Variants in HDAC9 observed in about 807,000 individuals in gnomAD.
HDAC9 encodes the protein histone deacetylase 9.
Under a neutral mutation model 139.4 loss-of-function variants are expected in HDAC9, and 41 were observed. The observed-to-expected ratio is 0.29, with a 90% CI of 0.23 to 0.38. The LOEUF (loss-of-function observed/expected upper bound fraction) is 0.38, where lower values mean the gene tolerates loss of function less well. HDAC9 is among the 10% of genes least tolerant of loss of function. The pLI, the probability that HDAC9 is intolerant of heterozygous loss-of-function variation, is 1.00. For synonymous variants in HDAC9, 517 were observed against 476.2 expected, an observed-to-expected ratio of 1.09 and a Z score of -1.12; for missense variants, 1,147 against 1,297.0, an observed-to-expected ratio of 0.88 and a Z score of 1.78.
At position 18,647,828 on chromosome 7, in the gene HDAC9, C is replaced by T. The variant is rs370076387; in HGVS notation, c.1079C>T (p.Thr360Met). 54 of 1,612,030 alleles carry T rather than the reference C, an allele frequency of 3.3e-5. No individual in the cohort carries two copies. Among genetic ancestry groups the T allele is most frequent in the Admixed American group, 2.0e-4 (12 of 59,760 alleles). Residue 360 changes from threonine to methionine, a missense_variant, in exon 10 of 26, where the codon ACG (threonine) becomes ATG (methionine). By Grantham distance (81) the Thr-to-Met change is moderately conservative. This residue lies in a region of HDAC9 where 264 missense variants were observed against 273.8 expected (regional missense o/e 0.96). Transcript: ENST00000686413. ...GAAAAGCAGAAGTGTGAGACGCAGA[C>T]GCTTAGGCAAGGTGTTCCTCTGCCT... The part of the protein sequence containing the change: ...LKEKQKCETQ[T>M]LRQGVPLPGQ...
chr7:18,468,858 T>C (rs1384093371), intron 1 of HDAC9, among the ~76,000 whole-genome samples: 2 of 152,218 alleles, frequency 1.3e-5, no homozygotes, highest in Non-Finnish European at 2.9e-5. Context: ...TCTCTGAGCC[T>C]CCAGACTGTG....
chr7:18,753,236 T>C (rs553040029), intron 14 of HDAC9, among the ~76,000 whole-genome samples: 1 of 152,242 alleles, frequency 6.6e-6, no homozygotes, highest in Admixed American at 6.6e-5. Flanking sequence ...TCATTCATTT[T>C]ATATTGCTGT....
intron 1 of HDAC9, among the ~76,000 whole-genome samples, chr7:18,369,676 A>G (rs920476975): frequency 6.6e-6 from 1 of 152,218 alleles, no homozygotes; most frequent in South Asian, 2.1e-4. Flanking sequence ...GATTAGGTCA[A>G]GATATCTACT....
intron 12 of HDAC9, among the ~76,000 whole-genome samples, chr7:18,676,860 T>G (rs921535350): frequency 1.3e-5 from 2 of 151,844 alleles, no homozygotes; most frequent in African/African-American, 4.8e-5. Context: ...TCTTAGGGAT[T>G]AAAAAAATTC....
At position 18,903,401 on chromosome 7, in the gene HDAC9, C is replaced by T. The variant is rs530796215; in HGVS notation, c.2803+28805C>T. Reference sequence around the variant, plus strand: ...ATCAGGGAATCGGTAATAATCCTTTCAAGTTTTAATCCATTTTCATCTTTT... The same window carrying T: ...ATCAGGGAATCGGTAATAATCCTTTTAAGTTTTAATCCATTTTCATCTTTT... On this transcript the variant is annotated intron_variant, in intron 22 of 25. Transcript: ENST00000686413. 2.6e-5 allele frequency among the ~76,000 whole-genome samples: 4 copies of T among 152,340 alleles called. No homozygotes were observed. The Middle Eastern group carries it at 0.01, about 389-fold the overall frequency.
intron 21 of HDAC9, among the ~76,000 whole-genome samples, chr7:18,855,121 G>A (rs1303077071): frequency 5.9e-5 from 9 of 152,154 alleles, no homozygotes; most frequent in Non-Finnish European, 7.4e-5. Context: ...TCCAGAAGCC[G>A]TCTCTGAAAC....
At chr7:18,244,723 G>A (rs1443665528) in intron 2 of HDAC9, among the ~76,000 whole-genome samples, 1 of 152,042 alleles carries the variant, frequency 6.6e-6, no homozygotes, top group Non-Finnish European at 1.5e-5. Flanking sequence ...GCGTGAACCC[G>A]GGAGGCGGAG....
chr7:18,530,765 G>T (rs1031138269), intron 2 of HDAC9, among the ~76,000 whole-genome samples: 18 of 149,528 alleles, frequency 1.2e-4, no homozygotes, highest in African/African-American at 4.4e-4. Context: ...AGTTTTGAAT[G>T]CTTAATTATA....
intron 1 of HDAC9, among the ~76,000 whole-genome samples, chr7:18,114,418 T>C (rs1049272867): frequency 6.6e-6 from 1 of 152,208 alleles, no homozygotes; most frequent in Non-Finnish European, 1.5e-5. Flanking sequence ...CAATTAGTAG[T>C]GTTTGCCAAA....
At chr7:18,281,834 A>T (rs1282261870) in intron 2 of HDAC9, among the ~76,000 whole-genome samples, 2 of 152,190 alleles carry the variant, frequency 1.3e-5, no homozygotes, top group South Asian at 2.1e-4. Flanking sequence ...TTTTCTCCGT[A>T]TTGAATATAA....
chr7:18,145,922 G>T (rs1374737182), intron 1 of HDAC9, among the ~76,000 whole-genome samples: 1 of 152,060 alleles, frequency 6.6e-6, no homozygotes, highest in African/African-American at 2.4e-5. Flanking sequence ...ATTTAGGGCA[G>T]AACAGAAAGA....
At chr7:18,457,710 T>A (rs1784660498) in intron 1 of HDAC9, among the ~76,000 whole-genome samples, 1 of 152,212 alleles carries the variant, frequency 6.6e-6, no homozygotes, top group African/African-American at 2.4e-5. Flanking sequence ...CATTAGTGAG[T>A]TTTTTAAAAA....
At chr7:18,993,225 A>G (rs978990810) in intron 25 of HDAC9, among the ~76,000 whole-genome samples, 9 of 151,758 alleles carry the variant, frequency 5.9e-5, no homozygotes, top group African/African-American at 2.2e-4. Context: ...CCAATGGCAG[A>G]TATAAATAAT....
chr7:18,491,322 C>G (rs1236507124), upstream of HDAC9, among the ~76,000 whole-genome samples: 2 of 151,740 alleles, frequency 1.3e-5, no homozygotes, highest in Non-Finnish European at 2.9e-5. Context: ...TTTTTACAAG[C>G]AAAAACACTC....
intron 1 of HDAC9, among the ~76,000 whole-genome samples, chr7:18,406,643 C>A (rs1020271996): frequency 1.8e-4 from 27 of 152,172 alleles, no homozygotes; most frequent in African/African-American, 6.3e-4. Context: ...CCCGCCTTGG[C>A]CTTCCAAAGT....
chr7:18,825,556 G>C, intron 17 of HDAC9, among the ~76,000 whole-genome samples: 1 of 151,938 alleles, frequency 6.6e-6, no homozygotes, highest in Non-Finnish European at 1.5e-5. Context: ...GGTTGGAGGA[G>C]AAATTAGAGG....
intron 2 of HDAC9, among the ~76,000 whole-genome samples, chr7:18,270,795 C>T (rs753836014): frequency 5.3e-5 from 8 of 151,848 alleles, no homozygotes; most frequent in Non-Finnish European, 1.2e-4. Flanking sequence ...TTCTGACAAG[C>T]TAAATAAAAC....
intron 24 of HDAC9, among the ~76,000 whole-genome samples, chr7:18,962,440 C>A (rs1003806313): frequency 3.3e-5 from 5 of 151,986 alleles, no homozygotes; most frequent in Admixed American, 3.3e-4. Context: ...GTGTTGGTGG[C>A]GCCCTAATAC....
At chr7:18,799,084 CACACACACACAG>C in intron 17 of HDAC9, among the ~76,000 whole-genome samples, 1 of 141,570 alleles carries the variant, frequency 7.1e-6, no homozygotes, top group Non-Finnish European at 1.6e-5. Context: ...CACACACACA[CACACACACACAG>C]AGCCCCTCGG....
Sources: gnomAD v4.1 joint callset for allele counts (sites outside exome capture counted in the v4.1 genomes callset) on GRCh38, gnomAD v4.1.1 for gene constraint, gnomAD v4.1.1 regional missense constraint, MANE v1.5 for transcripts, NCBI Gene and HGNC (gene_info 2026-07-23, HGNC 2026-07-21) for gene names.